Variants in ROBO1 observed in about 807,000 individuals in gnomAD.
The protein encoded by ROBO1 is roundabout homolog 1.
Under a neutral mutation model 195.9 loss-of-function variants are expected in ROBO1, and 149 were observed. The observed-to-expected ratio is 0.76, with a 90% CI of 0.67 to 0.87. The LOEUF (loss-of-function observed/expected upper bound fraction) is 0.87. Among genes scored for constraint, ROBO1 ranks in the 40% least tolerant of loss-of-function variants. The pLI, the probability that ROBO1 is intolerant of heterozygous loss-of-function variation, is 0.00. For synonymous variants in ROBO1, 816 were observed against 733.2 expected, an observed-to-expected ratio of 1.11 and a Z score of -1.82; for missense variants, 1,933 against 2,068.3, an observed-to-expected ratio of 0.93 and a Z score of 1.27.
chr3:79,767,653 T>C (rs1705068771), intron 1 of ROBO1, 99 bp downstream of exon 1: 1 of 152,164 alleles, frequency 6.6e-6, no homozygotes, highest in African/African-American at 2.4e-5. Flanking sequence ...TCGGCAACCA[T>C]TCTGCACTCC....
intron 2 of ROBO1, among the ~76,000 whole-genome samples, chr3:79,303,743 C>T (rs374406588): frequency 2.4e-4 from 37 of 152,168 alleles, no homozygotes; most frequent in East Asian, 1.9e-3. Flanking sequence ...TTCAGAATTA[C>T]GTTAAACTAT....
intron 4 of ROBO1, among the ~76,000 whole-genome samples, chr3:78,856,311 G>T (rs1195562528): frequency 2.1e-5 from 3 of 143,134 alleles, no homozygotes; most frequent in Non-Finnish European, 1.5e-5. Context: ...AAAAAAAACA[G>T]TATGAGAAAA....
chr3:78,650,678 G>A (rs910471894), intron 19 of ROBO1, among the ~76,000 whole-genome samples: 2 of 152,192 alleles, frequency 1.3e-5, no homozygotes, highest in Non-Finnish European at 2.9e-5. Flanking sequence ...TGATGGTAGG[G>A]TAGGAGACTT....
chr3:79,445,481 G>GTTTT (rs34514488), intron 2 of ROBO1, among the ~76,000 whole-genome samples: 2 of 85,706 alleles, frequency 2.3e-5, no homozygotes, highest in African/African-American at 4.9e-5. Context: ...TACAGAAATT[G>GTTTT]TTTTTTTTTT....
Position 79,687,511 on chromosome 3 carries a change from TCAAA to T in ROBO1, c.-51+80237_-51+80240del, listed in dbSNP as rs989448447. Among the ~76,000 whole-genome samples, 38 of 151,982 alleles carry T rather than the reference TCAAA, an allele frequency of 2.5e-4. 1 individual carries two copies. Among genetic ancestry groups the T allele is most frequent in the African/African-American group, 9.2e-4 (38 of 41,350 alleles). On this transcript the variant is annotated intron_variant, in intron 1 of 30. Transcript: ENST00000464233. ...CTAATATCCAGAATCTACAATGAAC[TCAAA>T]CAAATTTACAAGAAAAAAGCAACCC...
intron 3 of ROBO1, among the ~76,000 whole-genome samples, chr3:79,055,405 G>A (rs1056057755): frequency 2.0e-5 from 3 of 152,044 alleles, no homozygotes; most frequent in African/African-American, 7.2e-5. Flanking sequence ...AAGTTTGAGG[G>A]CTGATGTTTC....
chr3:78,751,387 T>G (rs982919640), intron 4 of ROBO1, among the ~76,000 whole-genome samples: 2 of 152,120 alleles, frequency 1.3e-5, no homozygotes, highest in African/African-American at 4.8e-5. Context: ...GTAAGGAACC[T>G]TAGTAAGTAA....
intron 2 of ROBO1, among the ~76,000 whole-genome samples, chr3:79,472,854 C>T (rs62257574): frequency 0.011 from 1,637 of 152,148 alleles, 14 homozygotes; most frequent in Non-Finnish European, 0.019. Context: ...AATTTACTAT[C>T]GTGAGTTATC....
intron 4 of ROBO1, among the ~76,000 whole-genome samples, chr3:78,883,784 TA>T (rs1265894895): frequency 2.6e-5 from 4 of 152,210 alleles, no homozygotes; most frequent in African/African-American, 9.6e-5. Flanking sequence ...TCTAAAGACC[TA>T]CTTTCTCTCC....
chr3:79,472,446 A>T (rs1401094711), intron 2 of ROBO1, among the ~76,000 whole-genome samples: 4 of 152,152 alleles, frequency 2.6e-5, no homozygotes, highest in South Asian at 2.1e-4. Flanking sequence ...TCTAAGTGGG[A>T]CTCACCTATT....
chr3:78,723,570 T>A (rs1411197296), intron 5 of ROBO1, among the ~76,000 whole-genome samples: 2 of 152,142 alleles, frequency 1.3e-5, no homozygotes, highest in African/African-American at 4.8e-5. Flanking sequence ...AAACAGCGGT[T>A]CTTAATGGAG....
intron 8 of ROBO1, among the ~76,000 whole-genome samples, chr3:78,704,541 A>C (rs1311314939): frequency 4.0e-5 from 6 of 151,720 alleles, no homozygotes; most frequent in African/African-American, 1.5e-4. Context: ...CTTTTACCTA[A>C]ATTTTAATTT....
rs10576855 is a variant in ROBO1 at position 78,740,446 on chromosome 3, C to CTTTT, written c.657+6293_657+6296dup. ...AAAAAGCAACTTATTTCTTATTTTTCTTTTTTTCTTTCTTTCTTTCTTTCT... is the reference window on the plus strand; with the variant it reads ...AAAAAGCAACTTATTTCTTATTTTTCTTTTTTTTTTTCTTTCTTTCTTTCTTTCT... On this transcript the variant is annotated intron_variant, in intron 5 of 30. Coordinates refer to ENST00000464233, the MANE Select transcript of ROBO1 (RefSeq NM_002941.4). 2.1e-3 allele frequency among the ~76,000 whole-genome samples: 293 copies of CTTTT among 139,170 alleles called. 3 individuals are homozygous for CTTTT. The highest frequency in any genetic ancestry group is 7.4e-3 in the African/African-American group (279 of 37,498). The allele number at this position is 139,170 out of a possible 152,430, so 91.3% of individuals were successfully genotyped here.
At chr3:79,672,703 G>T (rs1398372338) in intron 1 of ROBO1, among the ~76,000 whole-genome samples, 1 of 151,976 alleles carries the variant, frequency 6.6e-6, no homozygotes, top group Admixed American at 6.6e-5. Flanking sequence ...AAACCTAAAT[G>T]AGTCCTGCTA....
intron 2 of ROBO1, among the ~76,000 whole-genome samples, chr3:79,370,347 A>T (rs1300562652): frequency 8.0e-5 from 12 of 149,306 alleles, no homozygotes; most frequent in Admixed American, 8.0e-4. Flanking sequence ...GACAGTGAGA[A>T]CATGTCTCAA....
chr3:78,845,724 G>A (rs866954092), intron 4 of ROBO1, among the ~76,000 whole-genome samples: 16 of 152,262 alleles, frequency 1.1e-4, no homozygotes, highest in Middle Eastern at 3.4e-3. Flanking sequence ...GGGAACCCCC[G>A]GAGGGGAAAG....
rs1438616403 is a variant in ROBO1, at chr3:79,061,758, C to T, written c.172+63698G>A. 3.3e-5 allele frequency among the ~76,000 whole-genome samples: 5 copies of T among 152,098 alleles called. No homozygotes were observed. In the South Asian group the frequency reaches 8.3e-4, roughly 25 times the overall value. ...AAAAACAAGCAATGGGGAAAGGATT[C>T]CCTATTTAATAAATGGTGCTGGGAA... On this transcript the variant is annotated intron_variant, in intron 3 of 30. Coordinates refer to ENST00000464233, the MANE Select transcript of ROBO1 (RefSeq NM_002941.4).
intron 8 of ROBO1, among the ~76,000 whole-genome samples, chr3:78,696,716 G>GTATATATACATATATATATACACA (rs1559756824): frequency 6.5e-5 from 9 of 138,532 alleles, no homozygotes; most frequent in African/African-American, 1.3e-4. Context: ...ATATATACAC[G>GTATATATACATATATATATACACA]TATATATACA....
chr3:79,739,257 C>T (rs1232583466), intron 1 of ROBO1, among the ~76,000 whole-genome samples: 1 of 152,138 alleles, frequency 6.6e-6, no homozygotes, highest in Non-Finnish European at 1.5e-5. Context: ...AGTCAAAAGC[C>T]TCTAAGACTG....
Sources: allele counts gnomAD v4.1 joint callset (sites outside exome capture counted in the v4.1 genomes callset), GRCh38; gene constraint gnomAD v4.1.1; transcripts MANE v1.5; gene names NCBI Gene and HGNC (gene_info 2026-07-23, HGNC 2026-07-21).